PRAG1: variants seen among roughly 807,000 people sequenced by gnomAD.
PRAG1 encodes the protein PEAK1 related, kinase-activating pseudokinase 1.
In PRAG1, 110 loss-of-function variants were observed where a neutral mutation model predicts 95.6. The observed-to-expected ratio is 1.15, with a 90% confidence interval of 0.99 to 1.35. The LOEUF is 1.35. PRAG1 is among the 40% of genes most tolerant of loss of function. The pLI is 0.00. For synonymous variants in PRAG1, 1,052 were observed against 819.4 expected, an observed-to-expected ratio of 1.28 and a Z score of -4.85; for missense variants, 2,554 against 1,864.7, an observed-to-expected ratio of 1.37 and a Z score of -6.81.
In PRAG1 at chr8:8,371,030, G is replaced by C. The variant is rs541125920; in HGVS notation, c.2162+5217C>G. Among the ~76,000 whole-genome samples the C allele has an allele frequency of 2.3e-3, 346 of 151,526 alleles. 2 individuals carry two copies. The highest frequency in any genetic ancestry group is 3.4e-3 in the Middle Eastern group (1 of 294). Reference sequence around the variant, plus strand: ...GCGCACCTGTAATCCCAGTTACTTGGGAGGCTGAGGCAGGAAAATCGCTTG... The same window carrying C: ...GCGCACCTGTAATCCCAGTTACTTGCGAGGCTGAGGCAGGAAAATCGCTTG... On this transcript the variant is annotated intron_variant, in intron 3 of 5. Transcript: ENST00000615670.
In PRAG1 at chr8:8,376,596, C is replaced by G; in HGVS notation, c.1813G>C (p.Ala605Pro). The G allele has an allele frequency of 6.2e-7, 1 of 1,604,076 alleles. No individual in the cohort carries two copies. The highest frequency in any genetic ancestry group is 8.5e-7 in the Non-Finnish European group (1 of 1,174,134). ...PAPSCRTNGV[A>P]ISDPSRCPQP... The stretch of plus-strand genomic sequence containing the variant: ...GGACACCTGGATGGGTCACTGATAG[C>G]GACACCGTTGGTCCGGCAGGAAGGA... Residue 605 changes from alanine to proline, a missense_variant, in exon 3 of 6, where the codon GCT becomes CCT. Transcript: ENST00000615670.
intron 3 of PRAG1, among the ~76,000 whole-genome samples, chr8:8,361,362 A>G (rs1799842430): frequency 6.6e-6 from 1 of 152,204 alleles, no homozygotes; most frequent in South Asian, 2.1e-4. Flanking sequence ...GTGGGAGGAA[A>G]TAACATGGAA....
intron 4 of PRAG1, among the ~76,000 whole-genome samples, chr8:8,333,360 C>G (rs141046184): frequency 6.6e-6 from 1 of 152,232 alleles, no homozygotes; most frequent in East Asian, 1.9e-4. Flanking sequence ...ATGCCTTTAG[C>G]GAACGTGCTT....
In PRAG1 at chr8:8,318,591, A is replaced by G. The variant is rs370093263; in HGVS notation, c.3784T>C (p.Tyr1262His). The change falls in exon 6 of 6, where the codon TAC (tyrosine) becomes CAC (histidine). Residue 1262 changes from tyrosine (Y) to histidine (H), a missense_variant. Tyr to His is a moderately conservative substitution (Grantham distance 83). Transcript: ENST00000615670. The surrounding 1 kb of genome is among the most constrained non-coding windows in gnomAD (Gnocchi z 4.2). ...GGGTTGGGTTGGTGCAGCAGCTCGT[A>G]GATGAGGATGCCTGTCTGGAACTCA... ...FDEFQTGILI[Y>H]ELLHQPNPFE... is the part of the protein sequence containing the mutation. The G allele has an allele frequency of 1.0e-4, 163 of 1,612,968 alleles. No individual in the cohort carries two copies. The highest frequency in any genetic ancestry group is 1.4e-4 in the Non-Finnish European group (162 of 1,179,872).
intron 3 of PRAG1, among the ~76,000 whole-genome samples, chr8:8,357,048 C>A (rs545179654): frequency 5.9e-4 from 89 of 152,118 alleles, no homozygotes; most frequent in African/African-American, 2.1e-3. Flanking sequence ...GGGTAAGAGA[C>A]CTAAACTTAA....
chr8:8,320,203 C>A (rs1349614519), intron 5 of PRAG1, among the ~76,000 whole-genome samples: 1 of 152,180 alleles, frequency 6.6e-6, no homozygotes, highest in Non-Finnish European at 1.5e-5. Flanking sequence ...TCACTTCCCA[C>A]ATACTTTTCC....
intron 3 of PRAG1, among the ~76,000 whole-genome samples, chr8:8,344,419 A>AT (rs1271130202): frequency 6.6e-5 from 10 of 152,348 alleles, no homozygotes; most frequent in Admixed American, 6.5e-4. Flanking sequence ...TTAAAAACAT[A>AT]TAAGGATATA....
intron 5 of PRAG1, among the ~76,000 whole-genome samples, chr8:8,319,792 A>C (rs76634348): frequency 0.03 from 4,527 of 152,358 alleles, 94 homozygotes; most frequent in Non-Finnish European, 0.047. Context: ...AGAGATATGA[A>C]TAGGTAATTC....
chr8:8,356,586 A>T (rs1799690132), intron 3 of PRAG1, among the ~76,000 whole-genome samples: 1 of 151,968 alleles, frequency 6.6e-6, no homozygotes, highest in Non-Finnish European at 1.5e-5. Flanking sequence ...GGGTTCAATA[A>T]ATTTGCCCAT....
chr8:8,378,716 G>C (rs946409946), intron 2 of PRAG1, among the ~76,000 whole-genome samples: 6 of 152,020 alleles, frequency 3.9e-5, no homozygotes, highest in African/African-American at 1.4e-4. Context: ...CAAAAACTTG[G>C]TGGGCGTGGT....
At chr8:8,365,307 A>C (rs1167407429) in intron 3 of PRAG1, among the ~76,000 whole-genome samples, 30 of 151,828 alleles carry the variant, frequency 2.0e-4, no homozygotes, top group Admixed American at 1.9e-3. Flanking sequence ...CTGCCACCTC[A>C]CTCCCCAATC....
Position 8,339,632 on chromosome 8 carries a change from G to T in PRAG1, c.2166C>A (p.His722Gln). The T allele has an allele frequency of 1.9e-6, 3 of 1,611,120 alleles. No homozygotes were observed. The highest frequency in any genetic ancestry group is 2.5e-6 in the Non-Finnish European group (3 of 1,177,516). Reference protein sequence around the residue: ...SPPPPPPKSRHLLKMNKSSSD... With the variant: ...SPPPPPPKSRQLLKMNKSSSD... ...AGCTGCTCTTGTTCATTTTTAGAAG[G>T]TGCCTGGAAAAGGTAGGAACAAACA... The change falls in exon 4 of 6, where the codon CAC (histidine) becomes CAA (glutamine). Residue 722 changes from histidine (H) to glutamine (Q), a missense_variant. His to Gln is a conservative substitution (Grantham distance 24, BLOSUM62 0). Transcript: ENST00000615670.
intron 3 of PRAG1, among the ~76,000 whole-genome samples, chr8:8,354,905 G>T (rs10093351): frequency 0.013 from 2,003 of 152,120 alleles, 53 homozygotes; most frequent in African/African-American, 0.046. Flanking sequence ...ATTCATCATT[G>T]TACTGGAGGT....
intron 3 of PRAG1, among the ~76,000 whole-genome samples, chr8:8,347,067 C>T (rs551820292): frequency 2.0e-5 from 3 of 152,318 alleles, no homozygotes; most frequent in African/African-American, 4.8e-5. Flanking sequence ...ACAGTCTATA[C>T]ATGTTTTTTC....
intron 3 of PRAG1, among the ~76,000 whole-genome samples, chr8:8,356,180 A>T (rs950384165): frequency 1.3e-5 from 2 of 152,260 alleles, no homozygotes; most frequent in Non-Finnish European, 2.9e-5. Flanking sequence ...GGTGTTCAAC[A>T]TCACTAATCA....
Position 8,318,208 on chromosome 8 carries a change from C to T in PRAG1, c.4167G>A (p.Ala1389=). The change falls in exon 6 of 6, where the codon GCG becomes GCA. Residue 1389 remains alanine (A), a synonymous_variant. Transcript: ENST00000615670. This position sits in a 1 kb window ranked among gnomAD's most constrained non-coding sequence, Gnocchi z 4.2. ...GTAAGAGGGCCCCGGGCTCCGCAGA[C>T]GCCAGGTACTGGCAGCAAAGCCAGT... ...LEDWLCCQYL[A]SAEPGALLQS... The T allele has an allele frequency of 1.9e-6, 3 of 1,614,130 alleles. No homozygotes were observed. Among genetic ancestry groups the T allele is most frequent in the Non-Finnish European group, 2.5e-6 (3 of 1,180,016 alleles).
At chr8:8,367,933 G>A (rs146803582) in intron 3 of PRAG1, among the ~76,000 whole-genome samples, 40 of 152,262 alleles carry the variant, frequency 2.6e-4, no homozygotes, top group African/African-American at 8.7e-4. Flanking sequence ...GAGCCATCAC[G>A]CCTGGCCGTA....
intron 5 of PRAG1, among the ~76,000 whole-genome samples, chr8:8,326,587 G>A (rs1047491314): frequency 3.9e-5 from 6 of 152,194 alleles, no homozygotes; most frequent in Non-Finnish European, 8.8e-5. Context: ...CCAAATGGGT[G>A]CAGATGGCTC....
chr8:8,343,100 C>G (rs1302195488), intron 3 of PRAG1, among the ~76,000 whole-genome samples: 1 of 152,112 alleles, frequency 6.6e-6, no homozygotes, highest in Admixed American at 6.5e-5. Context: ...TGGAAATGAA[C>G]AGGCAACTCA....
Sources: gnomAD v4.1 joint callset for allele counts (sites outside exome capture counted in the v4.1 genomes callset) on GRCh38, gnomAD v4.1.1 for gene constraint, Gnocchi (gnomAD v3.1) non-coding constraint, MANE v1.5 for transcripts, NCBI Gene and HGNC (gene_info 2026-07-23, HGNC 2026-07-21) for gene names.